GALNTL6: variants seen among roughly 807,000 people sequenced by gnomAD.
The protein encoded by GALNTL6 is polypeptide N-acetylgalactosaminyltransferase-like 6.
GALNTL6 carries 46 observed loss-of-function variants against 73.7 expected under a neutral mutation model. That is an observed-to-expected ratio of 0.62 (90% CI 0.49 to 0.80). The LOEUF is 0.80. GALNTL6 is among the 30% of genes least tolerant of loss of function. The probability of loss-of-function intolerance (pLI) is 0.00; values close to 1 mark genes in which losing one functional copy is unlikely to be tolerated. For synonymous variants in GALNTL6, 259 were observed against 263.7 expected (o/e 0.98, Z 0.17); for missense variants, 604 against 755.0 (o/e 0.80, Z 2.34).
chr4:172,793,950 C>T lies in GALNTL6; in HGVS notation c.554-15411C>T, dbSNP rs145463798. On this transcript the variant is annotated intron_variant, in intron 5 of 12. Transcript: ENST00000506823. ...TGTGCATGTGTGTGTATGTATTCTC[C>T]GAAGAACACCATTTATTTATTGCTT... Among the ~76,000 whole-genome samples the T allele has an allele frequency of 2.4e-3, 362 of 150,862 alleles. 2 individuals carry two copies. Among genetic ancestry groups the T allele is most frequent in the African/African-American group, 8.4e-3 (338 of 40,352 alleles).
intron 10 of GALNTL6, among the ~76,000 whole-genome samples, chr4:172,961,863 A>G (rs1750073520): frequency 6.6e-6 from 1 of 152,222 alleles, no homozygotes; most frequent in African/African-American, 2.4e-5. Flanking sequence ...TTGATCTCCC[A>G]AGGGAGGTCC....
intron 2 of GALNTL6, among the ~76,000 whole-genome samples, chr4:171,942,061 A>G (rs1331114916): frequency 6.6e-6 from 1 of 152,032 alleles, no homozygotes; most frequent in Non-Finnish European, 1.5e-5. Flanking sequence ...GGTTTATGCT[A>G]TAGCGATTTT....
At chr4:173,006,489 G>T (rs1752300822) in intron 10 of GALNTL6, among the ~76,000 whole-genome samples, 1 of 152,186 alleles carries the variant, frequency 6.6e-6, no homozygotes, top group Admixed American at 6.5e-5. Flanking sequence ...GACCTTCTGG[G>T]TGTTTCTATT....
At chr4:172,359,212 T>G (rs914682622) in intron 5 of GALNTL6, among the ~76,000 whole-genome samples, 1 of 152,064 alleles carries the variant, frequency 6.6e-6, no homozygotes, top group Non-Finnish European at 1.5e-5. Flanking sequence ...TAAAAAAGAA[T>G]GAGATCATAT....
intron 12 of GALNTL6, among the ~76,000 whole-genome samples, chr4:173,025,565 G>A (rs1004529526): frequency 2.6e-5 from 4 of 152,144 alleles, no homozygotes; most frequent in Admixed American, 2.0e-4. Flanking sequence ...CCTGCTTCCT[G>A]TCTTTCCCCT....
chr4:171,880,629 G>C (rs1217164845), intron 2 of GALNTL6, among the ~76,000 whole-genome samples: 1 of 152,090 alleles, frequency 6.6e-6, no homozygotes, highest in Non-Finnish European at 1.5e-5. Context: ...AATATAAGGT[G>C]GGAAGAGAGT....
intron 2 of GALNTL6, among the ~76,000 whole-genome samples, chr4:171,883,180 G>A (rs1405498528): frequency 6.6e-6 from 1 of 151,740 alleles, no homozygotes; most frequent in Non-Finnish European, 1.5e-5. Context: ...GTGAAACCTC[G>A]TCTCTACTAA....
At chr4:171,932,331 G>A (rs1354160942) in intron 2 of GALNTL6, among the ~76,000 whole-genome samples, 4 of 152,164 alleles carry the variant, frequency 2.6e-5, no homozygotes, top group East Asian at 1.9e-4. Context: ...AACCTGGTAC[G>A]TGCCTTTTTT....
intron 2 of GALNTL6, among the ~76,000 whole-genome samples, chr4:171,925,395 G>A (rs988655825): frequency 1.3e-5 from 2 of 152,172 alleles, no homozygotes; most frequent in Non-Finnish European, 2.9e-5. Context: ...CCTGAATTAA[G>A]ACAAAGGAAG....
At chr4:172,061,181 T>G (rs886244543) in intron 2 of GALNTL6, among the ~76,000 whole-genome samples, 1 of 152,154 alleles carries the variant, frequency 6.6e-6, no homozygotes, top group African/African-American at 2.4e-5. Context: ...CTAATAGAAC[T>G]TTTCAGGTCT....
chr4:173,031,481 C>G (rs1753457575), intron 12 of GALNTL6, among the ~76,000 whole-genome samples: 2 of 152,172 alleles, frequency 1.3e-5, no homozygotes, highest in South Asian at 4.1e-4. Flanking sequence ...TTCGTGCACT[C>G]TTTCCGGCAT....
At chr4:171,838,134 A>ATTTATTTT (rs1553963506) in intron 2 of GALNTL6, among the ~76,000 whole-genome samples, 1 of 150,588 alleles carries the variant, frequency 6.6e-6, no homozygotes, top group African/African-American at 2.5e-5. Flanking sequence ...TTATTTATTT[A>ATTTATTTT]TTTTTTGAGA....
At position 172,879,743 on chromosome 4, in the gene GALNTL6, G is replaced by A. The variant is rs149415303; in HGVS notation, c.924-3047G>A. On this transcript the variant is annotated intron_variant, in intron 7 of 12. Coordinates refer to ENST00000506823, the MANE Select transcript of GALNTL6 (RefSeq NM_001034845.3). ...GAAGAGCAAATTAAATCCAAAGTAAGCAGAAGAATTAAAATAATAAAGACT... is the reference window on the plus strand; with the variant it reads ...GAAGAGCAAATTAAATCCAAAGTAAACAGAAGAATTAAAATAATAAAGACT... Among the ~76,000 whole-genome samples, 4 of 151,638 alleles carry A rather than the reference G, an allele frequency of 2.6e-5. No homozygotes were observed. The East Asian group carries it at 5.8e-4, about 22-fold the overall frequency.
At chr4:172,531,205 A>T (rs71607888) in intron 5 of GALNTL6, among the ~76,000 whole-genome samples, 2,404 of 152,304 alleles carry the variant, frequency 0.016, 22 homozygotes, top group Non-Finnish European at 0.028. Context: ...TCTGAGACTA[A>T]TTCATTCTTC....
intron 5 of GALNTL6, among the ~76,000 whole-genome samples, chr4:172,578,659 T>G (rs1737052498): frequency 6.6e-6 from 1 of 152,232 alleles, no homozygotes; most frequent in African/African-American, 2.4e-5. Flanking sequence ...ATTTGATAGT[T>G]CATTTTCCTC....
At chr4:172,781,110 A>T (rs753774877) in intron 5 of GALNTL6, among the ~76,000 whole-genome samples, 2 of 152,236 alleles carry the variant, frequency 1.3e-5, no homozygotes, top group Non-Finnish European at 2.9e-5. Flanking sequence ...AAGAAAGGCT[A>T]AACCAAAAGG....
intron 5 of GALNTL6, among the ~76,000 whole-genome samples, chr4:172,435,503 A>C (rs756724936): frequency 2.6e-5 from 4 of 152,084 alleles, no homozygotes; most frequent in Non-Finnish European, 4.4e-5. Context: ...AAAATGGGAG[A>C]AATCAACAAA....
chr4:172,881,746 G>A (rs1036252219), intron 7 of GALNTL6, among the ~76,000 whole-genome samples: 5 of 152,048 alleles, frequency 3.3e-5, no homozygotes, highest in Admixed American at 6.6e-5. Context: ...TGTTTTTATC[G>A]ATTTGCTTGA....
chr4:172,513,911 A>C (rs538624), intron 5 of GALNTL6, among the ~76,000 whole-genome samples: 119,581 of 152,136 alleles, frequency 0.79, 47,432 homozygotes, highest in East Asian at 0.99. Flanking sequence ...TAAAGTTGTC[A>C]TGTAGACATA....
Sources: allele counts gnomAD v4.1 joint callset (sites outside exome capture counted in the v4.1 genomes callset), GRCh38; gene constraint gnomAD v4.1.1; transcripts MANE v1.5; gene names NCBI Gene and HGNC (gene_info 2026-07-23, HGNC 2026-07-21).